Variants in SLCO3A1 observed in about 807,000 individuals in gnomAD.
The protein encoded by SLCO3A1 is solute carrier organic anion transporter family member 3A1.
In SLCO3A1, 27 loss-of-function variants were observed where a neutral mutation model predicts 63.1. The ratio of observed to expected loss-of-function variants is 0.43; its 90% confidence interval spans 0.32 to 0.59. The LOEUF (loss-of-function observed/expected upper bound fraction) is 0.59, where lower values mean the gene tolerates loss of function less well. SLCO3A1 is among the 20% of genes least tolerant of loss of function. SLCO3A1 has a pLI of 0.09. For missense variants in SLCO3A1, 773 were observed against 945.8 expected, an observed-to-expected ratio of 0.82 and a Z score of 2.40; for synonymous variants, 473 against 409.9, an observed-to-expected ratio of 1.15 and a Z score of -1.86.
chr15:92,120,688 A>G (rs1312753882), intron 5 of SLCO3A1, 59 bp downstream of exon 5: 1 of 1,516,430 alleles, frequency 6.6e-7, no homozygotes, highest in East Asian at 2.3e-5. Context: ...TGTGTAAGGC[A>G]CTAAAAATTT....
chr15:92,040,026 C>T (rs1363058799), intron 2 of SLCO3A1, among the ~76,000 whole-genome samples: 1 of 151,598 alleles, frequency 6.6e-6, no homozygotes, highest in Non-Finnish European at 1.5e-5. Context: ...AGAACACATG[C>T]ACAAACACCA....
At chr15:92,046,630 C>A (rs977189396) in intron 2 of SLCO3A1, among the ~76,000 whole-genome samples, 2 of 151,998 alleles carry the variant, frequency 1.3e-5, no homozygotes, top group Non-Finnish European at 2.9e-5. Flanking sequence ...GCTGCCTTGT[C>A]CAAGGCTGCA....
chr15:92,016,832 G>C (rs1483857597), intron 2 of SLCO3A1, among the ~76,000 whole-genome samples: 1 of 152,194 alleles, frequency 6.6e-6, no homozygotes, highest in African/African-American at 2.4e-5. Context: ...CTTCGGGCCT[G>C]TGGATTTGAG....
chr15:91,879,930 A>G (rs529909125), intron 1 of SLCO3A1, among the ~76,000 whole-genome samples: 1 of 152,254 alleles, frequency 6.6e-6, no homozygotes, highest in East Asian at 1.9e-4. Context: ...CGCAGCAGAG[A>G]TGGCACAGTG....
At chr15:92,009,927 T>C (rs1221198815) in intron 2 of SLCO3A1, among the ~76,000 whole-genome samples, 1 of 152,164 alleles carries the variant, frequency 6.6e-6, no homozygotes, top group Non-Finnish European at 1.5e-5. Flanking sequence ...CCCGTGCTCA[T>C]GGAGAGGGAC....
chr15:91,981,224 C>A (rs759249084), intron 2 of SLCO3A1, among the ~76,000 whole-genome samples: 34 of 152,288 alleles, frequency 2.2e-4, no homozygotes, highest in Non-Finnish European at 1.0e-4. Context: ...GCCAGACCCT[C>A]CTTGCTCTGC....
Position 91,954,281 on chromosome 15 carries a change from G to A in SLCO3A1, c.646+37823G>A, listed in dbSNP as rs1900095201. On this transcript the variant is annotated intron_variant, in intron 2 of 9. Transcript: ENST00000318445. The surrounding 1 kb of genome is among the most constrained non-coding windows in gnomAD (Gnocchi z 4.7). ...TGCCCCTACGTTCTCACTTGTCTCT[G>A]AGCCCTTTGTGAGTTTCTCAGGATA... 6.6e-6 allele frequency among the ~76,000 whole-genome samples: 1 copy of A among 152,176 alleles called. No homozygotes were observed. Among genetic ancestry groups the A allele is most frequent in the South Asian group, 2.1e-4 (1 of 4,828 alleles).
intron 4 of SLCO3A1, among the ~76,000 whole-genome samples, chr15:92,107,759 C>T (rs940873059): frequency 4.6e-5 from 7 of 152,248 alleles, no homozygotes; most frequent in African/African-American, 7.2e-5. Context: ...CCAGCCCCCT[C>T]TTCTCTGGAA....
chr15:92,122,778 G>C (rs910810959), intron 5 of SLCO3A1, among the ~76,000 whole-genome samples: 55 of 152,202 alleles, frequency 3.6e-4, no homozygotes, highest in African/African-American at 1.2e-3. Context: ...ATGTAAAATG[G>C]ATAAATTATA....
At chr15:91,917,731 G>A (rs887887774) in intron 2 of SLCO3A1, among the ~76,000 whole-genome samples, 1 of 152,170 alleles carries the variant, frequency 6.6e-6, no homozygotes, top group East Asian at 1.9e-4. Flanking sequence ...GGTGGAGGAA[G>A]GGAAACTAAG....
rs187551268 is a variant in SLCO3A1, at chr15:91,949,494, G to A, written c.646+33036G>A. 2.0e-5 allele frequency among the ~76,000 whole-genome samples: 3 copies of A among 152,206 alleles called. No homozygotes were observed. In the East Asian group the frequency reaches 5.8e-4, roughly 29 times the overall value. ...AAAATATAAAAATTAGCCAAGCGTG[G>A]TGGTATGTACCTGTAATCCTAGCTA... is the stretch of plus-strand genomic sequence containing the variant. On this transcript the variant is annotated intron_variant, in intron 2 of 9. Coordinates refer to ENST00000318445, the MANE Select transcript of SLCO3A1 (RefSeq NM_013272.4).
At chr15:92,020,438 G>C (rs1025237848) in intron 2 of SLCO3A1, among the ~76,000 whole-genome samples, 1 of 152,224 alleles carries the variant, frequency 6.6e-6, no homozygotes, top group Admixed American at 6.5e-5. Flanking sequence ...AACCATGTGG[G>C]CTGGCCCACT....
intron 2 of SLCO3A1, among the ~76,000 whole-genome samples, chr15:91,933,508 A>G (rs1899304799): frequency 6.6e-6 from 1 of 152,166 alleles, no homozygotes; most frequent in Admixed American, 6.5e-5. Flanking sequence ...CAGTTTCTCT[A>G]CTTTTTCACC....
At chr15:92,057,969 G>T (rs1217648707) in intron 2 of SLCO3A1, among the ~76,000 whole-genome samples, 2 of 152,174 alleles carry the variant, frequency 1.3e-5, no homozygotes, top group Non-Finnish European at 2.9e-5. Flanking sequence ...CCTTTTTATT[G>T]TAAGTATGAT....
chr15:91,994,915 G>A (rs1280596640), intron 2 of SLCO3A1, among the ~76,000 whole-genome samples: 1 of 152,162 alleles, frequency 6.6e-6, no homozygotes, highest in African/African-American at 2.4e-5. Context: ...GTTGTGCCTG[G>A]CATCGCAGCA....
intron 2 of SLCO3A1, among the ~76,000 whole-genome samples, chr15:92,068,818 C>T (rs2047181405): frequency 6.6e-6 from 1 of 152,214 alleles, no homozygotes; most frequent in African/African-American, 2.4e-5. Context: ...TCCCACCACT[C>T]ACGCAGGCTT....
chr15:91,853,887 CGG>C lies in SLCO3A1; in HGVS notation c.-21_-20del. 7.6e-7 allele frequency: 1 copy of C among 1,322,526 alleles called. No homozygotes were observed. Among genetic ancestry groups the C allele is most frequent in the Non-Finnish European group, 9.7e-7 (1 of 1,034,496 alleles). The allele number at this position is 1,322,526 out of a possible 1,614,324, so 81.9% of individuals were successfully genotyped here. On this transcript the variant is annotated 5_prime_UTR_variant, in exon 1 of 10. Transcript: ENST00000318445. ...AGCGGGAAAGCGGCAGCGGCGGCGG[CGG>C]CGGCGGCGGCGGGGGAAGGATGCAG... is the stretch of plus-strand genomic sequence containing the variant.
chr15:91,994,872 G>A (rs2151447479), intron 2 of SLCO3A1, among the ~76,000 whole-genome samples: 1 of 152,296 alleles, frequency 6.6e-6, no homozygotes, highest in South Asian at 2.1e-4. Flanking sequence ...CATGGGCCTT[G>A]CCTGGATGCT....
intron 2 of SLCO3A1, among the ~76,000 whole-genome samples, chr15:92,087,516 ATT>A (rs34074469): frequency 0.014 from 1,720 of 121,712 alleles, 14 homozygotes; most frequent in African/African-American, 0.018. Context: ...ATTATCTATT[ATT>A]TTTTTTTTTT....
Sources: gnomAD v4.1 joint callset for allele counts (sites outside exome capture counted in the v4.1 genomes callset) on GRCh38, gnomAD v4.1.1 for gene constraint, Gnocchi (gnomAD v3.1) non-coding constraint, MANE v1.5 for transcripts, NCBI Gene and HGNC (gene_info 2026-07-23, HGNC 2026-07-21) for gene names.